KDM4B: variants seen among roughly 807,000 people sequenced by gnomAD.
KDM4B encodes lysine-specific demethylase 4B.
Under a neutral mutation model 125.2 loss-of-function variants are expected in KDM4B, and 32 were observed. The ratio of observed to expected loss-of-function variants is 0.26; its 90% CI spans 0.19 to 0.34. The LOEUF (loss-of-function observed/expected upper bound fraction) is 0.34, where lower values mean the gene tolerates loss of function less well. Among genes scored for constraint, KDM4B ranks in the 10% least tolerant of loss-of-function variants. The pLI, the probability that KDM4B is intolerant of heterozygous loss-of-function variation, is 1.00. For missense variants in KDM4B, 1,190 were observed against 1,577.7 expected (o/e 0.75, Z 4.16); for synonymous variants, 721 against 677.9 (o/e 1.06, Z -0.99).
At chr19:5,048,489 C>T (rs946499722) in intron 6 of KDM4B, among the ~76,000 whole-genome samples, 4 of 152,162 alleles carry the variant, frequency 2.6e-5, no homozygotes, top group Admixed American at 2.6e-4. Context: ...GCGCTCATGC[C>T]TGGAATCTTC....
chr19:5,107,937 C>T (rs981691110), intron 9 of KDM4B, among the ~76,000 whole-genome samples: 3 of 152,228 alleles, frequency 2.0e-5, no homozygotes, highest in African/African-American at 4.8e-5. Context: ...TGCAGAGCCA[C>T]GTGGAGACTT....
intron 4 of KDM4B, among the ~76,000 whole-genome samples, chr19:5,040,663 G>A (rs533244622): frequency 3.3e-5 from 5 of 152,300 alleles, no homozygotes; most frequent in South Asian, 4.1e-4. Context: ...TCCCGTCGCC[G>A]TGCCCTCCTC....
intron 2 of KDM4B, among the ~76,000 whole-genome samples, chr19:5,027,677 G>T (rs1259662312): frequency 6.6e-6 from 1 of 151,354 alleles, no homozygotes; most frequent in East Asian, 1.9e-4. Context: ...AGTAGCTGGG[G>T]TTACAGGCAC....
At chr19:5,071,652 G>A (rs2037952512) in intron 7 of KDM4B, among the ~76,000 whole-genome samples, 1 of 152,320 alleles carries the variant, frequency 6.6e-6, no homozygotes. Context: ...TGTGCCTGAG[G>A]GAGTGCCAGA....
chr19:5,146,924 C>T (rs1249376121), intron 21 of KDM4B, among the ~76,000 whole-genome samples: 1 of 119,086 alleles, frequency 8.4e-6, no homozygotes, highest in African/African-American at 3.4e-5. Flanking sequence ...TTGGGTGACA[C>T]TGAGACCCTG....
intron 1 of KDM4B, among the ~76,000 whole-genome samples, chr19:4,981,100 TCTC>T (rs2034625940): frequency 6.6e-6 from 1 of 152,048 alleles, no homozygotes; most frequent in African/African-American, 2.4e-5. Context: ...ACGGGCCTCT[TCTC>T]TCAGCCTGAG....
intron 6 of KDM4B, among the ~76,000 whole-genome samples, chr19:5,051,236 G>A (rs778095718): frequency 3.9e-5 from 6 of 152,340 alleles, no homozygotes; most frequent in Admixed American, 6.5e-5. Flanking sequence ...TGGGTCATTC[G>A]GATTGTGCTG....
At chr19:5,041,574 C>G (rs1402254448) in intron 5 of KDM4B, among the ~76,000 whole-genome samples, 4 of 152,244 alleles carry the variant, frequency 2.6e-5, no homozygotes, top group Non-Finnish European at 5.9e-5. Flanking sequence ...GTCTTCCTGG[C>G]ACTGTGGAGC....
chr19:5,049,453 C>A (rs1189957300), intron 6 of KDM4B, among the ~76,000 whole-genome samples: 6 of 151,922 alleles, frequency 3.9e-5, no homozygotes, highest in African/African-American at 1.5e-4. Flanking sequence ...CGGAAGCGCC[C>A]TGACCTTGGT....
Position 5,082,316 on chromosome 19 carries a change from C to T in KDM4B, c.781-51C>T, listed in dbSNP as rs753987350. 2.5e-6 allele frequency: 4 copies of T among 1,610,204 alleles called. No individual in the cohort carries two copies. The highest frequency in any genetic ancestry group is 1.1e-5 in the South Asian group (1 of 90,780). ...CTGGGAAGTGCCCACGTCCCATCCC[C>T]TGGTGCGCCTCTGGTGGCCCTGCCC... is the stretch of plus-strand genomic sequence containing the variant. On this transcript the variant is annotated intron_variant, in intron 8 of 22. Coordinates refer to ENST00000159111, the MANE Select transcript of KDM4B (RefSeq NM_015015.3). This position sits in a 1 kb window ranked among gnomAD's most constrained non-coding sequence, Gnocchi z 5.4.
chr19:5,147,019 G>A (rs2039864036), intron 21 of KDM4B, among the ~76,000 whole-genome samples: 1 of 151,596 alleles, frequency 6.6e-6, no homozygotes, highest in Non-Finnish European at 1.5e-5. Context: ...GATGGGTGGG[G>A]TCTGTGTGAC....
intron 9 of KDM4B, among the ~76,000 whole-genome samples, chr19:5,100,444 TCTCA>T (rs1399215293): frequency 6.6e-6 from 1 of 152,218 alleles, no homozygotes; most frequent in Non-Finnish European, 1.5e-5. Context: ...CAAGACAGGA[TCTCA>T]CTCTGAAATG....
rs755137841 is a variant in KDM4B, at chr19:5,132,019, G to A, written c.1906+12G>A. On this transcript the variant is annotated intron_variant, in intron 13 of 22. Coordinates refer to ENST00000159111, the MANE Select transcript of KDM4B (RefSeq NM_015015.3). ...CTCAAGTGACGAGGGTGAGTGGGGG[G>A]TCCCCAGGTCGGCTCTCATCAGCCC... The A allele has an allele frequency of 1.4e-5, 22 of 1,597,486 alleles. No individual in the cohort carries two copies. In the Admixed American group the frequency reaches 1.4e-4, roughly 10 times the overall value.
intron 6 of KDM4B, among the ~76,000 whole-genome samples, chr19:5,059,934 C>T (rs953910757): frequency 3.9e-5 from 6 of 152,234 alleles, no homozygotes; most frequent in Admixed American, 2.0e-4. Context: ...ACTCCCACCA[C>T]GGGCACATCA....
chr19:5,119,548 T>C, intron 10 of KDM4B, 105 bp from the exon 11 acceptor site: 1 of 1,136,426 alleles, frequency 8.8e-7, no homozygotes. Flanking sequence ...CATGGAGCGC[T>C]CTTCTGGGGG....
chr19:5,069,573 G>T (rs2037881513), intron 6 of KDM4B, among the ~76,000 whole-genome samples: 1 of 151,652 alleles, frequency 6.6e-6, no homozygotes, highest in African/African-American at 2.4e-5. Flanking sequence ...CTCCCAAAGT[G>T]CTGGGATTAG....
rs557355244 is a variant in KDM4B, at chr19:5,148,028, C to G, written c.3022-2330C>G. Among the ~76,000 whole-genome samples the G allele has an allele frequency of 2.8e-4, 43 of 152,286 alleles. 1 individual carries two copies. The South Asian group carries it at 7.5e-3, about 26-fold the overall frequency. On this transcript the variant is annotated intron_variant, in intron 21 of 22. Transcript: ENST00000159111. ...CAGCGAGGCCGAGTGGCTGAGACCC[C>G]CACATGCCAAGGCCCCAAGAGCCTC...
intron 1 of KDM4B, among the ~76,000 whole-genome samples, chr19:4,983,412 A>G (rs1168467196): frequency 6.6e-6 from 1 of 152,156 alleles, no homozygotes; most frequent in Non-Finnish European, 1.5e-5. Context: ...ATTCACCAGC[A>G]ATGGCAGGAC....
intron 1 of KDM4B, among the ~76,000 whole-genome samples, chr19:5,013,699 C>T (rs2145501869): frequency 6.6e-6 from 1 of 152,336 alleles, no homozygotes; most frequent in South Asian, 2.1e-4. Flanking sequence ...GCTGTGAGGA[C>T]ATTCCGCCTC....
Sources: gnomAD v4.1 joint callset for allele counts (sites outside exome capture counted in the v4.1 genomes callset) on GRCh38, gnomAD v4.1.1 for gene constraint, Gnocchi (gnomAD v3.1) non-coding constraint, MANE v1.5 for transcripts, NCBI Gene and HGNC (gene_info 2026-07-23, HGNC 2026-07-21) for gene names.